The following TMEM47 variants were observed in gnomAD, a reference collection of about 807,000 sequenced individuals.
TMEM47 encodes the protein brain cell membrane protein 1.
A neutral mutation model predicts 12.4 loss-of-function variants in TMEM47; 3 were observed. That is an observed-to-expected ratio of 0.24 (90% CI 0.11 to 0.63). The LOEUF is 0.63. TMEM47 is among the 20% of genes least tolerant of loss of function. The pLI is 0.86. For synonymous variants in TMEM47, 62 were observed against 63.3 expected (o/e 0.98, Z 0.10); for missense variants, 89 against 143.8 (o/e 0.62, Z 1.95).
chrX:34,643,863 C>G (rs1030412183), intron 1 of TMEM47, among the ~76,000 whole-genome samples: 1 of 109,907 alleles, frequency 9.1e-6, no homozygotes, highest in Non-Finnish European at 1.9e-5. Flanking sequence ...AACATACATC[C>G]TTGGTTGATA....
In TMEM47 at chrX:34,657,010, C is replaced by T. The variant is rs893438529; in HGVS notation, c.20G>A (p.Gly7Asp). 5 of 1,150,079 alleles carry T rather than the reference C, an allele frequency of 4.3e-6. No individual in the cohort carries two copies. In the African/African-American group the frequency reaches 9.0e-5, roughly 21 times the overall value. 94.8% of individuals were successfully genotyped at this position (1,150,079 alleles called of 1,213,427 possible). ...CACCGACACGCGCACCTCCTCCATG[C>T]CGCTGCCCGCCGAAGCCATTCCTGG... Reference protein sequence around the residue: MASAGSGMEEVRVSVLT... With the variant: MASAGSDMEEVRVSVLT... The change falls in exon 1 of 3, where the codon GGC (glycine) becomes GAC (aspartate). Residue 7 changes from glycine to aspartate, a missense_variant. Physicochemically the swap from Gly to Asp is moderately conservative, Grantham distance 94. Transcript: ENST00000275954.
chrX:34,643,406 C>T (rs1379765172), intron 1 of TMEM47, among the ~76,000 whole-genome samples: 3 of 110,916 alleles, frequency 2.7e-5, no homozygotes, highest in African/African-American at 9.8e-5. Context: ...GACTTTTCCA[C>T]CAAAAGATTT....
intron 2 of TMEM47, among the ~76,000 whole-genome samples, chrX:34,631,197 A>G (rs997660536): frequency 9.5e-6 from 1 of 105,170 alleles, no homozygotes; most frequent in Non-Finnish European, 1.9e-5. Context: ...AAAAAAAAAA[A>G]AAAAAGAATA....
At chrX:34,648,059 A>G (rs1024557980) in intron 1 of TMEM47, among the ~76,000 whole-genome samples, 1 of 111,960 alleles carries the variant, frequency 8.9e-6, no homozygotes, top group African/African-American at 3.2e-5. Context: ...GACATAAACA[A>G]ATGGGAAAAC....
chrX:34,634,780 T>C (rs1327527386), intron 2 of TMEM47, among the ~76,000 whole-genome samples: 1 of 111,813 alleles, frequency 8.9e-6, no homozygotes, highest in Non-Finnish European at 1.9e-5. Flanking sequence ...AGAAAAGACG[T>C]CTAGGAAGAC....
chrX:34,651,985 C>G (rs1241762827), intron 1 of TMEM47, among the ~76,000 whole-genome samples: 6 of 111,724 alleles, frequency 5.4e-5, no homozygotes, highest in African/African-American at 2.0e-4. Flanking sequence ...AATACGTAAC[C>G]AGGAAGAAAC....
In TMEM47 at chrX:34,639,372, G is replaced by A. The variant is rs767585383; in HGVS notation, c.242C>T (p.Thr81Ile). The A allele has an allele frequency of 8.3e-7, 1 of 1,204,598 alleles. No individual in the cohort carries two copies. Among genetic ancestry groups the A allele is most frequent in the African/African-American group, 1.8e-5 (1 of 56,928 alleles). Reference protein sequence around the residue: ...STLSSDWQIATLALLLGGAAI... With the variant: ...STLSSDWQIAILALLLGGAAI... The stretch of plus-strand genomic sequence containing the variant: ...AGCGCCGCCCAGGAGTAAAGCCAGA[G>A]TAGCAATCTGCCAATCTGGAAAGAA... The change falls in exon 2 of 3, where the codon ACT becomes ATT. Residue 81 changes from threonine (T) to isoleucine (I), a missense_variant. Thr to Ile is a moderately conservative substitution (Grantham distance 89). Coordinates refer to ENST00000275954, the MANE Select transcript of TMEM47 (RefSeq NM_031442.4).
chrX:34,629,161 T>G lies in TMEM47; in HGVS notation c.*1152A>C. 1 of 111,861 alleles carries G rather than the reference T, an allele frequency of 8.9e-6. No homozygotes were observed. Among genetic ancestry groups the G allele is most frequent in the African/African-American group, 3.2e-5 (1 of 30,780 alleles). 9.2% of individuals were successfully genotyped at this position (111,861 alleles called of 1,213,427 possible). ...TAGCAGCCTTCTATTTTAATGAATT[T>G]TACACAAAATGATCATCCTAATTGC... On this transcript the variant is annotated 3_prime_UTR_variant, in exon 3 of 3. Transcript: ENST00000275954.
intron 2 of TMEM47, among the ~76,000 whole-genome samples, chrX:34,634,866 G>A (rs747290132): frequency 1.8e-5 from 2 of 112,197 alleles, no homozygotes; most frequent in Non-Finnish European, 3.8e-5. Flanking sequence ...AATGAAGGGC[G>A]CATGCACAAG....
At chrX:34,650,322 C>T (rs1002627750) in intron 1 of TMEM47, among the ~76,000 whole-genome samples, 1 of 111,677 alleles carries the variant, frequency 9.0e-6, no homozygotes, top group African/African-American at 3.3e-5. Flanking sequence ...CAGTTATCTA[C>T]AATATTACAG....
intron 1 of TMEM47, among the ~76,000 whole-genome samples, chrX:34,647,753 T>C (rs181405659): frequency 1.8e-5 from 2 of 112,445 alleles, no homozygotes; most frequent in Admixed American, 1.9e-4. Flanking sequence ...TTCAATCTTT[T>C]TGGATAAATT....
chrX:34,631,513 C>T (rs1204004214), intron 2 of TMEM47, among the ~76,000 whole-genome samples: 1 of 111,370 alleles, frequency 9.0e-6, no homozygotes, highest in African/African-American at 3.3e-5. Context: ...TGTTTTCCAC[C>T]TACTTTCAAA....
At position 34,657,140 on chromosome X, in the gene TMEM47, G is replaced by A; in HGVS notation, c.-111C>T. On this transcript the variant is annotated 5_prime_UTR_variant, in exon 1 of 3. Transcript: ENST00000275954. ...GAAGCCGCCGAGCTGCCACGCGCGG[G>A]GACTCGCTCCCTCGGGGCTCTGCGC... The A allele has an allele frequency of 9.7e-7, 1 of 1,029,452 alleles. No homozygotes were observed. Among genetic ancestry groups the A allele is most frequent in the East Asian group, 3.9e-5 (1 of 25,462 alleles). The allele number at this position is 1,029,452 out of a possible 1,213,427, so 84.8% of individuals were successfully genotyped here.
chrX:34,643,778 C>T (rs1282479596), intron 1 of TMEM47, among the ~76,000 whole-genome samples: 1 of 111,464 alleles, frequency 9.0e-6, no homozygotes, highest in African/African-American at 3.3e-5. Flanking sequence ...TGTTCAATGT[C>T]ACGCCAGCTG....
chrX:34,630,470 A>G lies in TMEM47; in HGVS notation c.389T>C (p.Leu130Pro), dbSNP rs768980591. 8.3e-7 allele frequency: 1 copy of G among 1,203,514 alleles called. No individual in the cohort carries two copies. The highest frequency in any genetic ancestry group is 1.7e-5 in the African/African-American group (1 of 57,152). ...AATGAACTTGATTGGGTAAAGGACC[A>G]GGCTGCAAACCTGTAAAACAACTGA... The part of the protein sequence containing the change: ...FAAVVLQVCS[L>P]VLYPIKFIET... The change falls in exon 3 of 3, where the codon CTG becomes CCG. Residue 130 changes from leucine to proline, a missense_variant. Transcript: ENST00000275954.
intron 1 of TMEM47, among the ~76,000 whole-genome samples, chrX:34,650,707 A>G (rs1289896314): frequency 8.9e-6 from 1 of 112,481 alleles, no homozygotes; most frequent in Non-Finnish European, 1.9e-5. Flanking sequence ...AAATTTTATC[A>G]TACAACATAA....
chrX:34,634,509 G>C (rs189162360), intron 2 of TMEM47, among the ~76,000 whole-genome samples: 2 of 112,503 alleles, frequency 1.8e-5, no homozygotes, highest in East Asian at 5.6e-4. Flanking sequence ...GGATAAGATA[G>C]ATAAGACATG....
At chrX:34,640,972 A>T (rs1248146368) in intron 1 of TMEM47, among the ~76,000 whole-genome samples, 1 of 111,382 alleles carries the variant, frequency 9.0e-6, no homozygotes, top group Non-Finnish European at 1.9e-5. Flanking sequence ...TCTTAATGCC[A>T]TCTATTTGTA....
At chrX:34,655,946 G>C (rs969459572) in intron 1 of TMEM47, among the ~76,000 whole-genome samples, 3 of 111,754 alleles carry the variant, frequency 2.7e-5, no homozygotes, top group Non-Finnish European at 3.8e-5. Flanking sequence ...GCATAACTGG[G>C]GCGCCGGGGA....
Sources: allele counts gnomAD v4.1 joint callset (sites outside exome capture counted in the v4.1 genomes callset), GRCh38; gene constraint gnomAD v4.1.1; transcripts MANE v1.5; gene names NCBI Gene and HGNC (gene_info 2026-07-23, HGNC 2026-07-21).